DUSP19: variants seen among roughly 807,000 people sequenced by gnomAD.
DUSP19 encodes dual specificity phosphatase 19, also known as dual specificity protein phosphatase 19.
Under a neutral mutation model 16.6 loss-of-function variants are expected in DUSP19, and 14 were observed. That is an observed-to-expected ratio of 0.84 (90% confidence interval 0.56 to 1.32). The LOEUF is 1.32. DUSP19 is among the 40% of genes most tolerant of loss of function. DUSP19 has a pLI of 0.00. For synonymous variants in DUSP19, 81 were observed against 90.5 expected, an observed-to-expected ratio of 0.90 and a Z score of 0.59; for missense variants, 258 against 255.9, an observed-to-expected ratio of 1.01 and a Z score of -0.06.
chr2:183,082,834 C>T (rs1282900316), intron 1 of DUSP19, among the ~76,000 whole-genome samples: 1 of 149,802 alleles, frequency 6.7e-6, no homozygotes, highest in Non-Finnish European at 1.5e-5. Flanking sequence ...TCGTTCCTTC[C>T]TTCCTCCCTC....
chr2:183,086,287 A>G (rs180798397), intron 2 of DUSP19, among the ~76,000 whole-genome samples: 4 of 152,274 alleles, frequency 2.6e-5, no homozygotes, highest in Admixed American at 6.5e-5. Flanking sequence ...ATAATTCTTG[A>G]AAGGGAAGTT....
chr2:183,096,016 T>C lies in DUSP19; in HGVS notation c.*358T>C, dbSNP rs112595479. 4.5e-3 allele frequency: 705 copies of C among 157,056 alleles called. 8 individuals are homozygous for C. The highest frequency in any genetic ancestry group is 0.016 in the African/African-American group (673 of 41,754). 9.7% of individuals were successfully genotyped at this position (157,056 alleles called of 1,614,324 possible). On this transcript the variant is annotated 3_prime_UTR_variant, in exon 4 of 4. Transcript: ENST00000354221. ...CTATTTTTCTGTTCCAGCAACTGTT[T>C]TTATGAAAGAAAAACTTGAAATGCT...
In DUSP19 at chr2:183,097,982, C is replaced by G. The variant is rs553178377; in HGVS notation, c.*2324C>G. The G allele has an allele frequency of 2.0e-5, 3 of 152,336 alleles. No individual in the cohort carries two copies. The highest frequency in any genetic ancestry group is 2.0e-4 in the Admixed American group (3 of 15,300). The allele number at this position is 152,336 out of a possible 1,614,324, so 9.4% of individuals were successfully genotyped here. Reference sequence around the variant, plus strand: ...TCTTGGCTCACTGCAACCTCTGCCTCCCAGCTTCAAGCGATTCTCCTGTAT... The same window carrying G: ...TCTTGGCTCACTGCAACCTCTGCCTGCCAGCTTCAAGCGATTCTCCTGTAT... On this transcript the variant is annotated 3_prime_UTR_variant, in exon 4 of 4. Coordinates refer to ENST00000354221, the MANE Select transcript of DUSP19 (RefSeq NM_080876.4).
chr2:183,082,853 C>T (rs1205697975), intron 1 of DUSP19, among the ~76,000 whole-genome samples: 1 of 145,872 alleles, frequency 6.9e-6, no homozygotes, highest in African/African-American at 2.5e-5. Context: ...TCCCTCCCTC[C>T]CTCCCTCCCT....
At chr2:183,092,858 C>G (rs1365872152) in intron 3 of DUSP19, among the ~76,000 whole-genome samples, 1 of 151,850 alleles carries the variant, frequency 6.6e-6, no homozygotes, top group African/African-American at 2.4e-5. Flanking sequence ...TGCCCAGCAC[C>G]ACGCCCAGCT....
At chr2:183,085,847 G>GTT (rs71008261) in intron 2 of DUSP19, among the ~76,000 whole-genome samples, 3,080 of 50,866 alleles carry the variant, frequency 0.061, 1,081 homozygotes, top group East Asian at 0.09. Flanking sequence ...AGGTTGTTAG[G>GTT]TTTTTTTTTT....
intron 2 of DUSP19, 27 bp downstream of exon 2, chr2:183,083,581 C>A: frequency 6.3e-7 from 1 of 1,575,848 alleles, no homozygotes; most frequent in Non-Finnish European, 8.7e-7. Context: ...AGTCTGGCAC[C>A]ATATACACAG....
At position 183,080,731 on chromosome 2, in the gene DUSP19, C is replaced by A. The variant is rs774253093; in HGVS notation, c.226+1572C>A. Among the ~76,000 whole-genome samples the A allele has an allele frequency of 2.0e-4, 30 of 152,130 alleles. 1 individual carries two copies. The highest frequency in any genetic ancestry group is 8.8e-5 in the Non-Finnish European group (6 of 68,020). ...TTCTGAGATTGGGGTTGGAAACCTC[C>A]CCAGGATAGTGGGAGAGTCCTGGGA... On this transcript the variant is annotated intron_variant, in intron 1 of 3. Coordinates refer to ENST00000354221, the MANE Select transcript of DUSP19 (RefSeq NM_080876.4).
At chr2:183,090,328 A>G (rs941487391) in intron 3 of DUSP19, among the ~76,000 whole-genome samples, 3 of 152,092 alleles carry the variant, frequency 2.0e-5, no homozygotes, top group East Asian at 1.9e-4. Context: ...GCAAAACTCT[A>G]TTTGGCTTCT....
chr2:183,095,759 TC>T lies in DUSP19; in HGVS notation c.*102del, dbSNP rs1200513557. The stretch of plus-strand genomic sequence containing the variant: ...AGTAGACTAGCAAAACTCCCTTTTT[TC>T]TCTTGCCTTTTTTATGCATAAATGG... On this transcript the variant is annotated 3_prime_UTR_variant, in exon 4 of 4. Coordinates refer to ENST00000354221, the MANE Select transcript of DUSP19 (RefSeq NM_080876.4). 1.0e-5 allele frequency: 9 copies of T among 865,512 alleles called. No homozygotes were observed. Among genetic ancestry groups the T allele is most frequent in the Non-Finnish European group, 1.4e-5 (8 of 576,632 alleles). 53.6% of individuals were successfully genotyped at this position (865,512 alleles called of 1,614,324 possible).
intron 1 of DUSP19, among the ~76,000 whole-genome samples, chr2:183,080,675 AC>A (rs1342817556): frequency 6.6e-6 from 1 of 152,170 alleles, no homozygotes; most frequent in Non-Finnish European, 1.5e-5. Flanking sequence ...TTATTTGTGG[AC>A]TTACCCAAAG....
Position 183,087,046 on chromosome 2 carries a change from C to A in DUSP19, c.280C>A (p.His94Asn). Residue 94 changes from histidine (H) to asparagine (N), a missense_variant, in exon 3 of 4, where the codon CAT becomes AAT. His to Asn is a moderately conservative substitution (Grantham distance 68, BLOSUM62 1). Transcript: ENST00000354221. ...LDTLKKNKVT[H>N]ILNVAYGVEN... The stretch of plus-strand genomic sequence containing the variant: ...TTTTTTCTTTCTCTTTAAGGTGACT[C>A]ATATTCTTAATGTTGCATATGGAGT... 1 of 1,609,794 alleles carries A rather than the reference C, an allele frequency of 6.2e-7. No homozygotes were observed.
chr2:183,085,896 CGCTCATTT>C (rs1161010088), intron 2 of DUSP19, among the ~76,000 whole-genome samples: 2 of 104,740 alleles, frequency 1.9e-5, no homozygotes, highest in African/African-American at 7.2e-5. Context: ...GGCAGAGTCT[CGCTCATTT>C]GCTCAGGCTG....
intron 1 of DUSP19, among the ~76,000 whole-genome samples, chr2:183,081,230 G>C (rs1477615238): frequency 6.6e-6 from 1 of 152,014 alleles, no homozygotes; most frequent in African/African-American, 2.4e-5. Flanking sequence ...ATTATATATA[G>C]ACAGATAATT....
chr2:183,084,951 G>T (rs1052022578), intron 2 of DUSP19, among the ~76,000 whole-genome samples: 5 of 152,262 alleles, frequency 3.3e-5, no homozygotes, highest in African/African-American at 1.2e-4. Flanking sequence ...GGAGAAGGAG[G>T]AGTCAAGGCT....
chr2:183,086,373 C>G (rs555416095), intron 2 of DUSP19, among the ~76,000 whole-genome samples: 155 of 152,096 alleles, frequency 1.0e-3, no homozygotes, highest in African/African-American at 3.4e-3. Context: ...AGATTTTAAG[C>G]ATTTTCTGCT....
intron 2 of DUSP19, among the ~76,000 whole-genome samples, chr2:183,085,847 G>GTTTTTTTTTTTT: frequency 2.0e-5 from 1 of 50,922 alleles, no homozygotes; most frequent in Admixed American, 3.7e-4. Flanking sequence ...AGGTTGTTAG[G>GTTTTTTTTTTTT]TTTTTTTTTT....
chr2:183,093,123 A>G (rs1464369739), intron 3 of DUSP19, among the ~76,000 whole-genome samples: 1 of 152,194 alleles, frequency 6.6e-6, no homozygotes, highest in Non-Finnish European at 1.5e-5. Flanking sequence ...GCTGCCCTCA[A>G]GGAGCTTGAA....
At chr2:183,090,196 T>G (rs890975197) in intron 3 of DUSP19, among the ~76,000 whole-genome samples, 1 of 152,268 alleles carries the variant, frequency 6.6e-6, no homozygotes, top group South Asian at 2.1e-4. Flanking sequence ...AATTACTCAG[T>G]GAATTACATG....
Sources: gnomAD v4.1 joint callset for allele counts (sites outside exome capture counted in the v4.1 genomes callset) on GRCh38, gnomAD v4.1.1 for gene constraint, MANE v1.5 for transcripts, NCBI Gene and HGNC (gene_info 2026-07-23, HGNC 2026-07-21) for gene names.